Variants in LYVE1 observed in about 807,000 individuals in gnomAD.
LYVE1 encodes lymphatic vessel endothelial hyaluronan receptor 1, also known as lymphatic vessel endothelial hyaluronic acid receptor 1.
Under a neutral mutation model 31.5 loss-of-function variants are expected in LYVE1, and 29 were observed. That is an observed-to-expected ratio of 0.92 (90% CI 0.69 to 1.26). The LOEUF is 1.26. LYVE1 is among the 50% of genes most tolerant of loss of function. The pLI is 0.00. For synonymous variants in LYVE1, 134 were observed against 139.4 expected, an observed-to-expected ratio of 0.96 and a Z score of 0.27; for missense variants, 376 against 380.2, an observed-to-expected ratio of 0.99 and a Z score of 0.09.
rs1021872442 is a variant in LYVE1, at chr11:10,559,057, G to A, written c.*54C>T. The A allele has an allele frequency of 1.6e-5, 24 of 1,534,592 alleles. No homozygotes were observed. The highest frequency in any genetic ancestry group is 2.1e-5 in the Non-Finnish European group (24 of 1,119,776). On this transcript the variant is annotated 3_prime_UTR_variant, in exon 6 of 6. Transcript: ENST00000256178. ...TTTTGATTTCCCCAGCTGGGGCAGG[G>A]TAAGGAGCATGAAAGAAACCAGCCT...
In LYVE1 at chr11:10,557,743, A is replaced by G. The variant is rs1850342651; in HGVS notation, c.*1368T>C. 1 of 152,234 alleles carries G rather than the reference A, an allele frequency of 6.6e-6. No homozygotes were observed. 9.4% of individuals were successfully genotyped at this position (152,234 alleles called of 1,614,324 possible). ...ATATGATATATGCTGTTTGGTTGAC[A>G]TATGCTTGTATTTTAACAACCAACA... On this transcript the variant is annotated 3_prime_UTR_variant, in exon 6 of 6. Coordinates refer to ENST00000256178, the MANE Select transcript of LYVE1 (RefSeq NM_006691.4).
In LYVE1 at chr11:10,558,111, T is replaced by A. The variant is rs1850348528; in HGVS notation, c.*1000A>T. On this transcript the variant is annotated 3_prime_UTR_variant, in exon 6 of 6. Transcript: ENST00000256178. Reference sequence around the variant, plus strand: ...AAATAAAAATTAGTTTGGAAGTAGATAAGCTAGAAATATCAAAACTGAAAA... The same window carrying A: ...AAATAAAAATTAGTTTGGAAGTAGAAAAGCTAGAAATATCAAAACTGAAAA... The A allele has an allele frequency of 6.6e-6, 1 of 152,206 alleles. No homozygotes were observed. Among genetic ancestry groups the A allele is most frequent in the Non-Finnish European group, 1.5e-5 (1 of 68,026 alleles). 9.4% of individuals were successfully genotyped at this position (152,206 alleles called of 1,614,324 possible).
In LYVE1 at chr11:10,560,889, T is replaced by TTA. The variant is rs774860073; in HGVS notation, c.398-91_398-90dup. On this transcript the variant is annotated intron_variant, in intron 3 of 5. Transcript: ENST00000256178. ...TCTAGTCTTACTACCTCCAAACCCCTTATACCGCAGCTGGAATGGTCTTTA... is the reference window on the plus strand; with the variant it reads ...TCTAGTCTTACTACCTCCAAACCCCTTATATACCGCAGCTGGAATGGTCTTTA... 2.6e-5 allele frequency: 27 copies of TTA among 1,029,122 alleles called. No homozygotes were observed. In the Middle Eastern group the frequency reaches 1.1e-3, roughly 43 times the overall value. The allele number at this position is 1,029,122 out of a possible 1,614,324, so 63.7% of individuals were successfully genotyped here.
chr11:10,559,370 T>C (rs1850371016), intron 5 of LYVE1, 73 bp from the exon 6 acceptor site: 1 of 1,201,992 alleles, frequency 8.3e-7, no homozygotes, highest in Admixed American at 2.0e-5. Flanking sequence ...TTGGCCATGG[T>C]ACATATTGGC....
chr11:10,567,005 G>A (rs1271935414), intron 1 of LYVE1, among the ~76,000 whole-genome samples: 1 of 152,182 alleles, frequency 6.6e-6, no homozygotes, highest in Non-Finnish European at 1.5e-5. Flanking sequence ...AGTAGAAATA[G>A]TGTATGCTTA....
rs1406425837 is a variant in LYVE1 at position 10,557,863 on chromosome 11, A to G, written c.*1248T>C. On this transcript the variant is annotated 3_prime_UTR_variant, in exon 6 of 6. Coordinates refer to ENST00000256178, the MANE Select transcript of LYVE1 (RefSeq NM_006691.4). ...AATGCATCTACGTAAATAAGAAAGC[A>G]AAGAAGTTTTCTAAATGCTTTAATT... The G allele has an allele frequency of 6.6e-6, 1 of 152,244 alleles. No individual in the cohort carries two copies. Among genetic ancestry groups the G allele is most frequent in the Non-Finnish European group, 1.5e-5 (1 of 68,042 alleles). 9.4% of individuals were successfully genotyped at this position (152,244 alleles called of 1,614,324 possible). A position where few individuals can be genotyped will look rare whatever the true frequency, so the allele number is the denominator to read the frequency against.
Position 10,559,901 on chromosome 11 carries a change from G to A in LYVE1, c.704-7C>T. ...AGCAGAGCCGTGGGGACACCTGCAA[G>A]GAACAGAGACAAGGCCTGTTGGTCC... On this transcript the variant is annotated splice_region_variant and splice_polypyrimidine_tract_variant and intron_variant, in intron 4 of 5. Coordinates refer to ENST00000256178, the MANE Select transcript of LYVE1 (RefSeq NM_006691.4). The A allele has an allele frequency of 6.2e-7, 1 of 1,608,670 alleles. No individual in the cohort carries two copies. Among genetic ancestry groups the A allele is most frequent in the Non-Finnish European group, 8.5e-7 (1 of 1,175,154 alleles).
At chr11:10,564,503 A>G (rs555567718) in intron 1 of LYVE1, 129 bp from the exon 2 acceptor site, 1 of 756,498 alleles carries the variant, frequency 1.3e-6, no homozygotes, top group Non-Finnish European at 2.1e-6. Context: ...GGGGTTTAGA[A>G]TAACAGGACA....
Position 10,560,628 on chromosome 11 carries a change from G to C in LYVE1, c.570C>G (p.Ser190=), listed in dbSNP as rs1333153296. Residue 190 remains serine, a synonymous_variant, in exon 4 of 6, where the codon TCC becomes TCG. Coordinates refer to ENST00000256178, the MANE Select transcript of LYVE1 (RefSeq NM_006691.4). ...APTTTPPAPA[S]TSIPRRKKLI... is the part of the protein sequence containing the mutation. ...ATTTTTTTCTCCGTGGAATAGAAGTGGAAGCTGGAGCAGGAGGAGTAGTAG... is the reference window on the plus strand; with the variant it reads ...ATTTTTTTCTCCGTGGAATAGAAGTCGAAGCTGGAGCAGGAGGAGTAGTAG... 6.2e-7 allele frequency: 1 copy of C among 1,614,122 alleles called. No individual in the cohort carries two copies. The highest frequency in any genetic ancestry group is 2.2e-5 in the East Asian group (1 of 44,878).
intron 1 of LYVE1, 104 bp from the exon 2 acceptor site, chr11:10,564,478 T>C: frequency 9.3e-7 from 1 of 1,070,262 alleles, no homozygotes; most frequent in South Asian, 1.5e-5. Context: ...CAGGGAGGTC[T>C]ATCTGGCTGG....
chr11:10,561,980 TAATAA>T (rs1025214311), intron 3 of LYVE1, among the ~76,000 whole-genome samples: 23 of 152,112 alleles, frequency 1.5e-4, no homozygotes, highest in African/African-American at 5.1e-4. Flanking sequence ...AAAAATAAAA[TAATAA>T]AATAAAATTA....
rs762099081 is a variant in LYVE1, at chr11:10,564,229, G to A, written c.231C>T (p.Ala77=). 6.4e-5 allele frequency: 104 copies of A among 1,613,968 alleles called. No homozygotes were observed. Among genetic ancestry groups the A allele is most frequent in the Middle Eastern group, 1.6e-4 (1 of 6,082 alleles). ...SLAGKDQVET[A]LKASFETCSY... ...TGCAAGTTTCAAAGCTAGCTTTCAA[G>A]GCTGTTTCAACTTGGTCCTTGCCGG... is the stretch of plus-strand genomic sequence containing the variant. Residue 77 remains alanine (A), a synonymous_variant, in exon 2 of 6, where the codon GCC becomes GCT. Coordinates refer to ENST00000256178, the MANE Select transcript of LYVE1 (RefSeq NM_006691.4).
rs1436610258 is a variant in LYVE1, at chr11:10,568,331, A to G, written c.85+117T>C. The G allele has an allele frequency of 7.5e-6, 7 of 932,076 alleles. No individual in the cohort carries two copies. In the South Asian group the frequency reaches 8.3e-5, roughly 11 times the overall value. 57.7% of individuals were successfully genotyped at this position (932,076 alleles called of 1,614,324 possible). A position where few individuals can be genotyped will look rare whatever the true frequency, so the allele number is the denominator to read the frequency against. ...CATTTTTGGCAGAGCAGTACCACCA[A>G]TTAGACCTGCTGTTGACACTGAGGG... On this transcript the variant is annotated intron_variant, in intron 1 of 5. Coordinates refer to ENST00000256178, the MANE Select transcript of LYVE1 (RefSeq NM_006691.4).
At chr11:10,559,327 G>A (rs753865358) in intron 5 of LYVE1, 30 bp from the exon 6 acceptor site, 3 of 1,581,734 alleles carry the variant, frequency 1.9e-6, no homozygotes, top group Non-Finnish European at 2.6e-6. Flanking sequence ...ATTAAAGTGA[G>A]AGACTCTCAC....
intron 5 of LYVE1, 143 bp downstream of exon 5, chr11:10,559,673 A>G: frequency 1.5e-6 from 1 of 653,364 alleles, no homozygotes; most frequent in Non-Finnish European, 2.6e-6. Flanking sequence ...GGCTGAAGGG[A>G]AAGAGATGAG....
In LYVE1 at chr11:10,564,352, G is replaced by A. The variant is rs757068480; in HGVS notation, c.108C>T (p.Cys36=). Residue 36 remains cysteine, a synonymous_variant, in exon 2 of 6, where the codon TGC becomes TGT. Coordinates refer to ENST00000256178, the MANE Select transcript of LYVE1 (RefSeq NM_006691.4). The part of the protein sequence containing the change: ...RAEELSIQVS[C]RIMGITLVSK... Reference sequence around the variant, plus strand: ...TCACAAGGGTGATCCCCATAATTCTGCATGACACCTGGATGGAAAGCTCTG... The same window carrying A: ...TCACAAGGGTGATCCCCATAATTCTACATGACACCTGGATGGAAAGCTCTG... The A allele has an allele frequency of 9.3e-6, 15 of 1,613,818 alleles. No individual in the cohort carries two copies. Among genetic ancestry groups the A allele is most frequent in the Non-Finnish European group, 1.0e-5 (12 of 1,179,854 alleles).
chr11:10,564,496 G>T, intron 1 of LYVE1, 122 bp from the exon 2 acceptor site: 1 of 837,062 alleles, frequency 1.2e-6, no homozygotes. Context: ...TGGGACTGGG[G>T]TTTAGAATAA....
Position 10,558,733 on chromosome 11 carries a change from T to A in LYVE1, c.*378A>T, listed in dbSNP as rs1228341674. On this transcript the variant is annotated 3_prime_UTR_variant, in exon 6 of 6. Transcript: ENST00000256178. The stretch of plus-strand genomic sequence containing the variant: ...TAGAGAAAGCCTTGGTCTCAGTGAC[T>A]CCTTGGCTTTCAACCCACCTAGCCT... 2 of 173,444 alleles carry A rather than the reference T, an allele frequency of 1.2e-5. No individual in the cohort carries two copies. Among genetic ancestry groups the A allele is most frequent in the African/African-American group, 4.7e-5 (2 of 42,356 alleles). 10.7% of individuals were successfully genotyped at this position (173,444 alleles called of 1,614,324 possible). A position where few individuals can be genotyped will look rare whatever the true frequency, so the allele number is the denominator to read the frequency against.
intron 3 of LYVE1, 121 bp downstream of exon 3, chr11:10,563,819 G>A (rs1850479661): frequency 7.8e-7 from 1 of 1,273,918 alleles, no homozygotes; most frequent in Admixed American, 1.8e-5. Context: ...AGTGTCGGGA[G>A]AATTAGATGG....
Sources: gnomAD v4.1 joint callset for allele counts (sites outside exome capture counted in the v4.1 genomes callset) on GRCh38, gnomAD v4.1.1 for gene constraint, MANE v1.5 for transcripts, NCBI Gene and HGNC (gene_info 2026-07-23, HGNC 2026-07-21) for gene names.